ANKRD30A: variants seen among roughly 807,000 people sequenced by gnomAD.
The protein encoded by ANKRD30A is ankyrin repeat domain 30A, also known as ankyrin repeat domain-containing protein 30A.
ANKRD30A carries 170 observed loss-of-function variants against 166.3 expected under a neutral mutation model. That is an observed-to-expected ratio of 1.02 (90% CI 0.90 to 1.16). The LOEUF is 1.16. Among genes scored for constraint, ANKRD30A ranks in the 50% most tolerant of loss-of-function variants. ANKRD30A has a pLI of 0.00. For missense variants in ANKRD30A, 1,630 were observed against 1,518.0 expected (o/e 1.07, Z -1.23); for synonymous variants, 564 against 508.9 (o/e 1.11, Z -1.46).
chr10:37,144,371 A>C (rs1014199961), intron 7 of ANKRD30A, among the ~76,000 whole-genome samples: 1 of 152,148 alleles, frequency 6.6e-6, no homozygotes, highest in African/African-American at 2.4e-5. Flanking sequence ...TTCTGAAGGT[A>C]TTGTTGCATT....
intron 25 of ANKRD30A, among the ~76,000 whole-genome samples, chr10:37,191,433 A>T (rs868137530): frequency 2.0e-5 from 3 of 152,086 alleles, no homozygotes; most frequent in African/African-American, 7.2e-5. Context: ...GAACATGATG[A>T]ATGTTTGTAA....
chr10:37,229,176 G>A (rs1843301514), intron 34 of ANKRD30A, among the ~76,000 whole-genome samples: 1 of 151,928 alleles, frequency 6.6e-6, no homozygotes, highest in African/African-American at 2.4e-5. Context: ...AATATGGTAA[G>A]AGGTATACCG....
At chr10:37,202,409 G>A (rs184739892) in intron 31 of ANKRD30A, among the ~76,000 whole-genome samples, 66 of 152,174 alleles carry the variant, frequency 4.3e-4, no homozygotes, top group African/African-American at 1.5e-3. Flanking sequence ...ACGAAATCAA[G>A]GCAGAAATAA....
At chr10:37,137,175 T>C (rs1361642832) in intron 6 of ANKRD30A, among the ~76,000 whole-genome samples, 3 of 152,142 alleles carry the variant, frequency 2.0e-5, no homozygotes, top group Non-Finnish European at 4.4e-5. Context: ...TAAAGTAGCT[T>C]ACATGCCCTG....
At position 37,193,258 on chromosome 10, in the gene ANKRD30A, G is replaced by A. The variant is rs531105010; in HGVS notation, c.2614G>A (p.Glu872Lys). The A allele has an allele frequency of 1.2e-6, 2 of 1,605,694 alleles. No individual in the cohort carries two copies. Among genetic ancestry groups the A allele is most frequent in the Admixed American group, 1.7e-5 (1 of 58,738 alleles). The change falls in exon 27 of 36, where the codon GAG becomes AAG. Residue 872 changes from glutamate to lysine, a missense_variant and splice_region_variant. Physicochemically the swap from Glu to Lys is moderately conservative, Grantham distance 56. Coordinates refer to ENST00000361713, the MANE Select transcript of ANKRD30A (RefSeq NM_052997.3). ...GATGGACATGCAAACTTTCAAAGCA[G>A]GTAAATTTTGTAATTTTAATTTTAC... ...ELMDMQTFKA[E>K]PPEKPSAFEP... is the part of the protein sequence containing the mutation.
At chr10:37,142,607 CAG>C (rs79005456) in intron 7 of ANKRD30A, among the ~76,000 whole-genome samples, 10 of 102,064 alleles carry the variant, frequency 9.8e-5, no homozygotes, top group Non-Finnish European at 1.4e-4. Context: ...TTTTGTGAGA[CAG>C]AGTCTCGAAC....
chr10:37,161,959 AT>A (rs1177555840), intron 15 of ANKRD30A, among the ~76,000 whole-genome samples: 1 of 152,178 alleles, frequency 6.6e-6, no homozygotes, highest in Non-Finnish European at 1.5e-5. Flanking sequence ...TAAAAAAGTT[AT>A]TTATGTTTAA....
At chr10:37,155,369 A>G (rs1838289677) in intron 13 of ANKRD30A, among the ~76,000 whole-genome samples, 1 of 152,186 alleles carries the variant, frequency 6.6e-6, no homozygotes, top group South Asian at 2.1e-4. Context: ...AAATCAATGA[A>G]TATTTATATT....
At chr10:37,153,748 A>C in intron 13 of ANKRD30A, 86 bp downstream of exon 13, 2 of 1,549,644 alleles carry the variant, frequency 1.3e-6, no homozygotes, top group Non-Finnish European at 1.8e-6. Flanking sequence ...AGCTGAAGAA[A>C]ATTACCTCCT....
chr10:37,127,393 TAAG>T (rs1044389003), intron 1 of ANKRD30A, among the ~76,000 whole-genome samples: 1 of 152,088 alleles, frequency 6.6e-6, no homozygotes, highest in Non-Finnish European at 1.5e-5. Flanking sequence ...AAAACCTTTT[TAAG>T]AAGCTCAGAA....
At chr10:37,201,204 T>G in intron 30 of ANKRD30A, 31 bp from the exon 31 acceptor site, 1 of 1,437,328 alleles carries the variant, frequency 7.0e-7, no homozygotes, top group Non-Finnish European at 9.4e-7. Context: ...ATTTTTCCAT[T>G]GAAATTATTT....
intron 25 of ANKRD30A, among the ~76,000 whole-genome samples, chr10:37,192,218 G>T (rs567645586): frequency 6.6e-6 from 1 of 151,840 alleles, no homozygotes; most frequent in Non-Finnish European, 1.5e-5. Context: ...TGTAATTTTA[G>T]TGGGGACAGT....
chr10:37,136,831 G>GTGTATA (rs67891035), intron 6 of ANKRD30A, among the ~76,000 whole-genome samples, 160 bp downstream of exon 6: 38,087 of 141,260 alleles, frequency 0.27, 5,024 homozygotes, highest in Non-Finnish European at 0.29. Flanking sequence ...GTGTGTGTGT[G>GTGTATA]TATATATATA....
chr10:37,130,008 G>A lies in ANKRD30A; in HGVS notation c.336+1G>A. On this transcript the variant is annotated splice_donor_variant, in intron 2 of 35. Coordinates refer to ENST00000361713, the MANE Select transcript of ANKRD30A (RefSeq NM_052997.3). LOFTEE classifies it high-confidence loss of function. ...CGAACACAGGACACCTCTGATGAAG[G>A]TAAATAGTAGCCAGATTTTTCAGCA... 2 of 1,497,420 alleles carry A rather than the reference G, an allele frequency of 1.3e-6. No homozygotes were observed. Among genetic ancestry groups the A allele is most frequent in the Non-Finnish European group, 1.8e-6 (2 of 1,120,722 alleles). The allele number at this position is 1,497,420 out of a possible 1,614,324, so 92.8% of individuals were successfully genotyped here.
chr10:37,134,744 A>G (rs2132515960), intron 5 of ANKRD30A, among the ~76,000 whole-genome samples: 1 of 152,338 alleles, frequency 6.6e-6, no homozygotes. Context: ...TGAAACCCAC[A>G]TCTTAGCCTG....
intron 13 of ANKRD30A, among the ~76,000 whole-genome samples, chr10:37,155,248 A>C (rs1350108321): frequency 6.6e-6 from 1 of 152,244 alleles, no homozygotes; most frequent in Non-Finnish European, 1.5e-5. Flanking sequence ...TAAATTTGCT[A>C]TTCCTGATGA....
chr10:37,136,672 G>A lies in ANKRD30A; in HGVS notation c.820+1G>A. The A allele has an allele frequency of 7.1e-7, 1 of 1,415,240 alleles. No homozygotes were observed. Among genetic ancestry groups the A allele is most frequent in the Admixed American group, 2.1e-5 (1 of 48,532 alleles). 87.7% of individuals were successfully genotyped at this position (1,415,240 alleles called of 1,614,324 possible). ...AAAAATCATCAAAATACCAATCCAG[G>A]TAAGACTTCTGATAGTAAACTACCC... On this transcript the variant is annotated splice_donor_variant, in intron 6 of 35. Transcript: ENST00000361713. LOFTEE classifies it high-confidence loss of function.
At chr10:37,207,637 A>G (rs559038776) in intron 31 of ANKRD30A, among the ~76,000 whole-genome samples, 46 of 151,958 alleles carry the variant, frequency 3.0e-4, no homozygotes, top group African/African-American at 1.1e-3. Flanking sequence ...ATTTTTATAT[A>G]AATTTCTAAT....
At chr10:37,128,893 C>A (rs1181898627) in intron 1 of ANKRD30A, among the ~76,000 whole-genome samples, 1 of 151,938 alleles carries the variant, frequency 6.6e-6, no homozygotes, top group Admixed American at 6.6e-5. Flanking sequence ...TTTATAATAG[C>A]TTTGAATAGT....
Sources: gnomAD v4.1 joint callset for allele counts (sites outside exome capture counted in the v4.1 genomes callset) on GRCh38, gnomAD v4.1.1 for gene constraint, MANE v1.5 for transcripts, NCBI Gene and HGNC (gene_info 2026-07-23, HGNC 2026-07-21) for gene names.